PPARGC1A: variants seen among roughly 807,000 people sequenced by gnomAD.
The protein encoded by PPARGC1A is peroxisome proliferator-activated receptor gamma coactivator 1-alpha.
PPARGC1A carries 25 observed loss-of-function variants against 88.7 expected under a neutral mutation model. The observed-to-expected ratio is 0.28, with a 90% CI of 0.21 to 0.39. The LOEUF is 0.39. PPARGC1A is among the 10% of genes least tolerant of loss of function. The probability of loss-of-function intolerance (pLI) is 1.00; values close to 1 mark genes in which losing one functional copy is unlikely to be tolerated. For synonymous variants in PPARGC1A, 363 were observed against 355.6 expected (o/e 1.02, Z -0.24); for missense variants, 880 against 968.7 (o/e 0.91, Z 1.22).
chr4:24,214,003 A>T, the PPARGC1A span, among the ~76,000 whole-genome samples: 1 of 152,376 alleles, frequency 6.6e-6, no homozygotes, highest in South Asian at 2.1e-4. Flanking sequence ...AAAGCGAAGC[A>T]GTTCACTGAG....
chr4:23,824,210 G>T, intron 7 of PPARGC1A, 70 bp downstream of exon 7: 1 of 1,331,564 alleles, frequency 7.5e-7, no homozygotes, highest in Non-Finnish European at 1.1e-6. Flanking sequence ...AGTACACTCT[G>T]TTATCTTATT....
chr4:24,262,516 C>G, the PPARGC1A span, among the ~76,000 whole-genome samples: 2 of 152,238 alleles, frequency 1.3e-5, no homozygotes, highest in East Asian at 3.9e-4. Context: ...GTAAAGGAAA[C>G]CATTTTTCAA....
At chr4:24,325,525 C>A in the PPARGC1A span, among the ~76,000 whole-genome samples, 16 of 152,254 alleles carry the variant, frequency 1.1e-4, no homozygotes, top group Admixed American at 7.2e-4. Flanking sequence ...GGAATGCCTG[C>A]AGCCCAGGAT....
chr4:24,056,217 G>A, the PPARGC1A span, among the ~76,000 whole-genome samples: 3 of 152,126 alleles, frequency 2.0e-5, no homozygotes, highest in Non-Finnish European at 4.4e-5. Flanking sequence ...TTTGACCTTG[G>A]ATCTAAGACA....
At chr4:24,369,575 G>GAA in the PPARGC1A span, among the ~76,000 whole-genome samples, 1 of 147,490 alleles carries the variant, frequency 6.8e-6, no homozygotes, top group African/African-American at 2.5e-5. Flanking sequence ...AGAGAGAACA[G>GAA]AAAAAAAAAA....
At chr4:23,989,553 A>G in the PPARGC1A span, among the ~76,000 whole-genome samples, 3 of 152,064 alleles carry the variant, frequency 2.0e-5, no homozygotes, top group Admixed American at 6.6e-5. Context: ...TAGAGAAACC[A>G]AAGTGTAGAA....
At chr4:24,220,075 G>A in the PPARGC1A span, among the ~76,000 whole-genome samples, 1 of 151,950 alleles carries the variant, frequency 6.6e-6, no homozygotes, top group Non-Finnish European at 1.5e-5. Flanking sequence ...AGATGAGCAG[G>A]CACTTCTCAA....
chr4:24,027,207 G>GTA, the PPARGC1A span, among the ~76,000 whole-genome samples: 1 of 142,326 alleles, frequency 7.0e-6, no homozygotes, highest in Non-Finnish European at 1.5e-5. Flanking sequence ...GTGTGTGTGT[G>GTA]TGTGTGTGTG....
the PPARGC1A span, among the ~76,000 whole-genome samples, chr4:24,447,388 T>C: frequency 0.02 from 3,113 of 152,176 alleles, 49 homozygotes; most frequent in Middle Eastern, 0.058. Flanking sequence ...TCAGGGAAGC[T>C]GAGGAGCCCA....
At chr4:23,901,393 A>AAG (rs747206404), upstream of PPARGC1A, among the ~76,000 whole-genome samples, 432 of 146,660 alleles carry the variant, frequency 2.9e-3, 2 homozygotes, top group South Asian at 5.6e-3. Flanking sequence ...AAAAAAAAGT[A>AAG]AGTAGCTGGG....
In PPARGC1A at chr4:23,884,902, A is replaced by G. The variant is rs771229516; in HGVS notation, c.84T>C (p.Pro28=). Residue 28 remains proline, a synonymous_variant, in exon 2 of 13, where the codon CCT becomes CCC. Coordinates refer to ENST00000264867, the MANE Select transcript of PPARGC1A (RefSeq NM_013261.5). ...ECAALVGEDQ[P]LCPDLPELDL... is the part of the protein sequence containing the mutation. ...CAAGTTCAGGAAGATCTGGGCAAAG[A>G]GGCTGGTCTTCACCAACCAGAGCAG... The G allele has an allele frequency of 6.8e-5, 110 of 1,613,604 alleles. No individual in the cohort carries two copies. Among genetic ancestry groups the G allele is most frequent in the Non-Finnish European group, 9.2e-5 (108 of 1,179,794 alleles).
At chr4:24,005,918 A>C in the PPARGC1A span, among the ~76,000 whole-genome samples, 1 of 152,282 alleles carries the variant, frequency 6.6e-6, no homozygotes, top group South Asian at 2.1e-4. Flanking sequence ...CATGTAATGC[A>C]CTGAGCCTCA....
At chr4:24,384,629 G>T in the PPARGC1A span, among the ~76,000 whole-genome samples, 8 of 150,984 alleles carry the variant, frequency 5.3e-5, no homozygotes, top group Admixed American at 5.3e-4. Context: ...ACCAAAAAAG[G>T]TCAAAAAAGA....
the PPARGC1A span, among the ~76,000 whole-genome samples, chr4:24,302,436 C>T: frequency 1.3e-5 from 2 of 152,222 alleles, no homozygotes; most frequent in African/African-American, 4.8e-5. Context: ...CACTCTCTTC[C>T]TCGCCCCTGC....
the PPARGC1A span, among the ~76,000 whole-genome samples, chr4:24,132,127 G>T: frequency 0.2 from 30,336 of 151,926 alleles, 3,317 homozygotes; most frequent in Non-Finnish European, 0.23. Flanking sequence ...GAGGGTGGTG[G>T]TGCTGTTATT....
chr4:24,393,120 T>C, the PPARGC1A span, among the ~76,000 whole-genome samples: 5 of 152,096 alleles, frequency 3.3e-5, no homozygotes, highest in Non-Finnish European at 5.9e-5. Flanking sequence ...TTCTGATGAT[T>C]CTACAAACTT....
chr4:24,154,582 C>T, the PPARGC1A span, among the ~76,000 whole-genome samples: 156 of 152,318 alleles, frequency 1.0e-3, 2 homozygotes, highest in African/African-American at 3.3e-3. Flanking sequence ...TCTGCTTTCT[C>T]ATATCACATT....
the PPARGC1A span, among the ~76,000 whole-genome samples, chr4:23,912,870 A>G: frequency 6.7e-6 from 1 of 148,158 alleles, no homozygotes; most frequent in Admixed American, 6.7e-5. Flanking sequence ...CTCACTACAA[A>G]CTCCGCTTCC....
chr4:24,370,133 G>A, the PPARGC1A span, among the ~76,000 whole-genome samples: 1 of 152,078 alleles, frequency 6.6e-6, no homozygotes, highest in African/African-American at 2.4e-5. Context: ...ACTTTTTGGT[G>A]TTCTTTTAAC....
Sources: allele counts gnomAD v4.1 joint callset (sites outside exome capture counted in the v4.1 genomes callset), GRCh38; gene constraint gnomAD v4.1.1; transcripts MANE v1.5; gene names NCBI Gene and HGNC (gene_info 2026-07-23, HGNC 2026-07-21).